The following GRM1 variants were observed in gnomAD, a reference collection of about 807,000 sequenced individuals.
The protein encoded by GRM1 is glutamate metabotropic receptor 1, also known as metabotropic glutamate receptor 1.
A neutral mutation model predicts 90.9 loss-of-function variants in GRM1; 33 were observed. The ratio of observed to expected loss-of-function variants is 0.36; its 90% CI spans 0.28 to 0.49. The LOEUF is 0.49. GRM1 is among the 20% of genes least tolerant of loss of function. The probability of loss-of-function intolerance (pLI) is 0.99; values close to 1 mark genes in which losing one functional copy is unlikely to be tolerated. For synonymous variants in GRM1, 700 were observed against 613.2 expected, an observed-to-expected ratio of 1.14 and a Z score of -2.09; for missense variants, 1,190 against 1,534.3, an observed-to-expected ratio of 0.78 and a Z score of 3.75.
intron 7 of GRM1, among the ~76,000 whole-genome samples, chr6:146,425,971 G>T (rs568864686): frequency 2.0e-5 from 3 of 152,152 alleles, no homozygotes; most frequent in Non-Finnish European, 4.4e-5. Context: ...ATCCAGCTAG[G>T]GAATGAGATG....
rs1207937830 is a variant in GRM1 at position 146,434,937 on chromosome 6, CT to C, written c.*142del. 1.3e-6 allele frequency: 1 copy of C among 744,026 alleles called. No individual in the cohort carries two copies. The highest frequency in any genetic ancestry group is 1.7e-5 in the African/African-American group (1 of 57,906). The allele number at this position is 744,026 out of a possible 1,614,324, so 46.1% of individuals were successfully genotyped here. ...GAGACCGCTGCTGCTGCTGCCGCTA[CT>C]GCTGCTGCTGCCTTAAGTAGGAAGA... On this transcript the variant is annotated 3_prime_UTR_variant, in exon 8 of 8. Coordinates refer to ENST00000282753, the MANE Select transcript of GRM1 (RefSeq NM_001278064.2).
At chr6:146,188,790 T>C (rs1351163013) in intron 2 of GRM1, among the ~76,000 whole-genome samples, 1 of 152,216 alleles carries the variant, frequency 6.6e-6, no homozygotes. Context: ...CCATTTTAGT[T>C]CCTCATTCTC....
At chr6:146,027,847 C>G (rs1163444503), upstream of GRM1, 1 of 152,402 alleles carries the variant, frequency 6.6e-6, no homozygotes, top group Non-Finnish European at 1.5e-5. Flanking sequence ...ACACTTCCTC[C>G]GGTGAAACCC....
At chr6:146,138,421 C>T (rs1776708763) in intron 1 of GRM1, among the ~76,000 whole-genome samples, 2 of 151,586 alleles carry the variant, frequency 1.3e-5, no homozygotes, top group South Asian at 4.2e-4. Flanking sequence ...GTTCCCTCCT[C>T]CTCTATTTTT....
At chr6:146,114,930 C>T in intron 1 of GRM1, among the ~76,000 whole-genome samples, 1 of 151,996 alleles carries the variant, frequency 6.6e-6, no homozygotes, top group East Asian at 1.9e-4. Flanking sequence ...CATTCCAATA[C>T]TGTGGATATA....
intron 1 of GRM1, among the ~76,000 whole-genome samples, chr6:146,104,637 G>A (rs546204790): frequency 3.9e-5 from 6 of 152,220 alleles, no homozygotes; most frequent in South Asian, 2.1e-4. Flanking sequence ...GAGAATTTCC[G>A]AAAGGCAAAG....
chr6:146,034,899 T>A lies in GRM1; in HGVS notation c.700+4682T>A, dbSNP rs150061671. On this transcript the variant is annotated intron_variant, in intron 1 of 7. Transcript: ENST00000282753. Reference sequence around the variant, plus strand: ...AACTTTAAATAACAATTTTGAAGACTTAATTTCGGTTACTAAGTAGTTTTT... The same window carrying A: ...AACTTTAAATAACAATTTTGAAGACATAATTTCGGTTACTAAGTAGTTTTT... 5.8e-4 allele frequency among the ~76,000 whole-genome samples: 88 copies of A among 152,140 alleles called. 1 individual carries two copies. The East Asian group carries it at 0.016, about 28-fold the overall frequency.
chr6:146,318,411 C>A (rs1012078860), intron 3 of GRM1, among the ~76,000 whole-genome samples: 4 of 152,110 alleles, frequency 2.6e-5, no homozygotes, highest in Non-Finnish European at 4.4e-5. Flanking sequence ...CATTGATGGG[C>A]ATTTGGGTTG....
At chr6:146,194,234 T>G (rs1024705623) in intron 2 of GRM1, among the ~76,000 whole-genome samples, 4 of 152,164 alleles carry the variant, frequency 2.6e-5, no homozygotes, top group Admixed American at 6.5e-5. Flanking sequence ...CTATCTCCAT[T>G]GAACCAGCTT....
chr6:146,118,518 A>T (rs1775852199), intron 1 of GRM1, among the ~76,000 whole-genome samples: 1 of 152,160 alleles, frequency 6.6e-6, no homozygotes, highest in Non-Finnish European at 1.5e-5. Flanking sequence ...TATATGTGCC[A>T]TGTTGGTGTA....
In GRM1 at chr6:146,030,061, C is replaced by G; in HGVS notation, c.544C>G (p.Gln182Glu). ...CCTGCTCCAGCTCTTCGACATCCCC[C>G]AGATCGCTTATTCAGCCACAAGCAT... ...QNLLQLFDIP[Q>E]IAYSATSIDL... Residue 182 changes from glutamine (Q) to glutamate (E), a missense_variant, in exon 1 of 8, where the codon CAG becomes GAG. Around this residue, in one of 10 missense-constraint regions of GRM1, gnomAD observed 46 missense variants for 116.1 expected, o/e 0.40. Transcript: ENST00000282753. 1 of 1,614,192 alleles carries G rather than the reference C, an allele frequency of 6.2e-7. No homozygotes were observed. Among genetic ancestry groups the G allele is most frequent in the Non-Finnish European group, 8.5e-7 (1 of 1,180,036 alleles).
intron 2 of GRM1, among the ~76,000 whole-genome samples, chr6:146,243,936 G>A (rs1220003340): frequency 6.6e-6 from 1 of 152,114 alleles, no homozygotes; most frequent in African/African-American, 2.4e-5. Context: ...GCTGTTCTTT[G>A]CTGAGAAAAA....
chr6:146,232,266 G>GT (rs1780474556), intron 2 of GRM1, among the ~76,000 whole-genome samples: 1 of 152,022 alleles, frequency 6.6e-6, no homozygotes, highest in Non-Finnish European at 1.5e-5. Flanking sequence ...TGACAAGGTT[G>GT]TTTCTTCTGA....
At position 146,352,486 on chromosome 6, in the gene GRM1, G is replaced by A. The variant is rs1376755373; in HGVS notation, c.1423G>A (p.Ala475Thr). 5.0e-6 allele frequency: 8 copies of A among 1,613,676 alleles called. No homozygotes were observed. Among genetic ancestry groups the A allele is most frequent in the East Asian group, 4.5e-5 (2 of 44,860 alleles). The change falls in exon 4 of 8, where the codon GCT becomes ACT. Residue 475 changes from alanine to threonine, a missense_variant. By Grantham distance (58) the Ala-to-Thr change is moderately conservative (BLOSUM62 0). This residue lies in a region of GRM1 where 414 missense variants were observed against 598.4 expected (regional missense o/e 0.69). Coordinates refer to ENST00000282753, the MANE Select transcript of GRM1 (RefSeq NM_001278064.2). Reference sequence around the variant, plus strand: ...GGTGTGGTTTGATGAGAAAGGAGACGCTCCTGGAAGGTAATCTTTTCAGTA... The same window carrying A: ...GGTGTGGTTTGATGAGAAAGGAGACACTCCTGGAAGGTAATCTTTTCAGTA... ...EEVWFDEKGD[A>T]PGRYDIMNLQ...
At chr6:146,252,968 C>CAGA (rs1490881325) in intron 2 of GRM1, among the ~76,000 whole-genome samples, 1 of 148,224 alleles carries the variant, frequency 6.7e-6, no homozygotes, top group Non-Finnish European at 1.5e-5. Flanking sequence ...GCTGAGGCAA[C>CAGA]AGAATCACTT....
rs1454341671 is a variant in GRM1, at chr6:146,426,305, T to TAC, written c.2661-7566_2661-7565insCA. The stretch of plus-strand genomic sequence containing the variant: ...GTGGAGGGAAAGAGCAAACCTGGGG[T>TAC]AGACACACACACACACACACAGCAA... On this transcript the variant is annotated intron_variant, in intron 7 of 7. Coordinates refer to ENST00000282753, the MANE Select transcript of GRM1 (RefSeq NM_001278064.2). 2.7e-3 allele frequency among the ~76,000 whole-genome samples: 397 copies of TAC among 145,916 alleles called. 1 individual carries two copies. The highest frequency in any genetic ancestry group is 9.2e-3 in the African/African-American group (360 of 39,156).
At chr6:146,426,785 G>A in intron 7 of GRM1, 1 of 601,524 alleles carries the variant, frequency 1.7e-6, no homozygotes, top group Non-Finnish European at 3.0e-6. Flanking sequence ...TTGCACGACT[G>A]CCTTAAATTG....
At chr6:146,278,165 C>T (rs764498047) in intron 2 of GRM1, among the ~76,000 whole-genome samples, 1 of 152,064 alleles carries the variant, frequency 6.6e-6, no homozygotes, top group Non-Finnish European at 1.5e-5. Flanking sequence ...ACCTTCAAAT[C>T]ATATTTATTT....
chr6:146,311,310 A>G (rs773967260), intron 3 of GRM1, among the ~76,000 whole-genome samples: 2 of 151,994 alleles, frequency 1.3e-5, no homozygotes, highest in Non-Finnish European at 2.9e-5. Flanking sequence ...TCAAAATAAA[A>G]CAGTCATATG....
Sources: allele counts gnomAD v4.1 joint callset (sites outside exome capture counted in the v4.1 genomes callset), GRCh38; gene constraint gnomAD v4.1.1; regional missense constraint gnomAD v4.1.1; transcripts MANE v1.5; gene names NCBI Gene and HGNC (gene_info 2026-07-23, HGNC 2026-07-21).